ARHGEF26: variants seen among roughly 807,000 people sequenced by gnomAD.
ARHGEF26 encodes Rho guanine nucleotide exchange factor 26, also known as Rho guanine nucleotide exchange factor (GEF) 26.
In ARHGEF26, 59 loss-of-function variants were observed where a neutral mutation model predicts 89.4. The ratio of observed to expected loss-of-function variants is 0.66; its 90% confidence interval spans 0.54 to 0.82. The LOEUF (loss-of-function observed/expected upper bound fraction) is 0.82. ARHGEF26 is among the 40% of genes least tolerant of loss of function. The pLI is 0.00. For missense variants in ARHGEF26, 1,234 were observed against 1,085.6 expected (o/e 1.14, Z -1.92); for synonymous variants, 500 against 428.4 (o/e 1.17, Z -2.06).
Position 154,122,484 on chromosome 3 carries a change from G to A in ARHGEF26, c.492G>A (p.Gly164=), listed in dbSNP as rs746244033. 14 of 1,612,710 alleles carry A rather than the reference G, an allele frequency of 8.7e-6. No individual in the cohort carries two copies. Among genetic ancestry groups the A allele is most frequent in the Non-Finnish European group, 1.1e-5 (13 of 1,179,766 alleles). Residue 164 remains glycine (G), a synonymous_variant, in exon 2 of 15, where the codon GGG becomes GGA. Transcript: ENST00000465093. ...APCTPEEDLT[G]LTASPVPSPT... The stretch of plus-strand genomic sequence containing the variant: ...GCACCCCCGAGGAGGACCTTACTGG[G>A]TTGACTGCCAGCCCGGTGCCTTCGC...
At chr3:154,246,809 T>C (rs924155978) in intron 12 of ARHGEF26, among the ~76,000 whole-genome samples, 1 of 152,124 alleles carries the variant, frequency 6.6e-6, no homozygotes, top group East Asian at 1.9e-4. Flanking sequence ...AACTGATGGA[T>C]TGGATGAGTT....
At chr3:154,207,676 A>G (rs1308678420) in intron 9 of ARHGEF26, among the ~76,000 whole-genome samples, 7 of 152,336 alleles carry the variant, frequency 4.6e-5, no homozygotes, top group African/African-American at 1.4e-4. Flanking sequence ...ACCATTATTG[A>G]AGACAGTGTG....
chr3:154,182,338 A>AG (rs1713240445), intron 6 of ARHGEF26, among the ~76,000 whole-genome samples: 1 of 152,130 alleles, frequency 6.6e-6, no homozygotes. Flanking sequence ...GGGATTCATG[A>AG]GGGAAAAAGG....
chr3:154,202,048 G>T (rs1044391716), intron 9 of ARHGEF26, among the ~76,000 whole-genome samples: 1 of 152,084 alleles, frequency 6.6e-6, no homozygotes, highest in Non-Finnish European at 1.5e-5. Flanking sequence ...GTTGCCATTT[G>T]TTTTGGTGTT....
chr3:154,198,642 T>C (rs1409058625), intron 9 of ARHGEF26, among the ~76,000 whole-genome samples: 3 of 152,034 alleles, frequency 2.0e-5, no homozygotes, highest in African/African-American at 4.8e-5. Context: ...AAACCAAATA[T>C]CATGTGTTCT....
At chr3:154,201,001 A>G (rs1714592016) in intron 9 of ARHGEF26, among the ~76,000 whole-genome samples, 1 of 27,104 alleles carries the variant, frequency 3.7e-5, no homozygotes, top group Admixed American at 5.2e-4. Context: ...GATCAAATAT[A>G]AGATTTTTTT....
intron 8 of ARHGEF26, among the ~76,000 whole-genome samples, chr3:154,192,199 T>C (rs398512): frequency 0.91 from 138,969 of 152,244 alleles, 63,676 homozygotes; most frequent in East Asian, 1. Flanking sequence ...TATTTTGTTA[T>C]GATTTTCCTA....
intron 12 of ARHGEF26, among the ~76,000 whole-genome samples, chr3:154,243,807 A>T (rs888189077): frequency 1.3e-5 from 2 of 151,256 alleles, no homozygotes; most frequent in Non-Finnish European, 1.5e-5. Flanking sequence ...GACATAAAAT[A>T]GTATTGGTGT....
intron 7 of ARHGEF26, 104 bp from the exon 8 acceptor site, chr3:154,191,185 G>A: frequency 8.2e-7 from 1 of 1,220,132 alleles, no homozygotes; most frequent in South Asian, 1.6e-5. Flanking sequence ...TAAAATAGTT[G>A]ATGCTATATG....
At chr3:154,229,604 G>A (rs1444824339) in intron 11 of ARHGEF26, among the ~76,000 whole-genome samples, 2 of 152,176 alleles carry the variant, frequency 1.3e-5, no homozygotes, top group Non-Finnish European at 2.9e-5. Flanking sequence ...CTTTGTTGTA[G>A]AGGACTGTCC....
chr3:154,192,854 A>G (rs1714035302), intron 8 of ARHGEF26, among the ~76,000 whole-genome samples: 1 of 152,256 alleles, frequency 6.6e-6, no homozygotes. Context: ...ATAAAAGAAC[A>G]AAAATAAATA....
At chr3:154,206,785 C>T (rs9829485) in intron 9 of ARHGEF26, among the ~76,000 whole-genome samples, 24,208 of 152,044 alleles carry the variant, frequency 0.16, 2,476 homozygotes, top group South Asian at 0.34. Flanking sequence ...ATGGAACAAA[C>T]GAAGAGCATA....
intron 6 of ARHGEF26, among the ~76,000 whole-genome samples, chr3:154,158,263 A>G (rs1711502088): frequency 6.6e-6 from 1 of 152,238 alleles, no homozygotes; most frequent in South Asian, 2.1e-4. Flanking sequence ...AAATAGGATA[A>G]GAGGAATTGC....
At chr3:154,166,906 C>T (rs889217563) in intron 6 of ARHGEF26, among the ~76,000 whole-genome samples, 1 of 152,164 alleles carries the variant, frequency 6.6e-6, no homozygotes, top group African/African-American at 2.4e-5. Flanking sequence ...TCCAGAGATA[C>T]TCTCTGCACA....
intron 9 of ARHGEF26, among the ~76,000 whole-genome samples, chr3:154,196,340 G>A (rs1714290098): frequency 6.6e-6 from 1 of 152,158 alleles, no homozygotes; most frequent in South Asian, 2.1e-4. Flanking sequence ...GCAATAGAAG[G>A]TGTAGGTGTC....
intron 10 of ARHGEF26, among the ~76,000 whole-genome samples, chr3:154,221,806 G>A (rs921701401): frequency 6.6e-6 from 1 of 152,210 alleles, no homozygotes; most frequent in African/African-American, 2.4e-5. Context: ...AGGGGCAGTG[G>A]TCAGGGAGTG....
intron 4 of ARHGEF26, among the ~76,000 whole-genome samples, chr3:154,145,878 G>A (rs1035527421): frequency 2.0e-5 from 3 of 152,166 alleles, no homozygotes; most frequent in African/African-American, 7.2e-5. Flanking sequence ...AGTTAGTAGA[G>A]TCAAAGACCA....
chr3:154,252,328 A>G (rs1023333354), intron 12 of ARHGEF26, among the ~76,000 whole-genome samples: 1 of 152,204 alleles, frequency 6.6e-6, no homozygotes, highest in Non-Finnish European at 1.5e-5. Flanking sequence ...GACATGTAGC[A>G]TGTGTTTAAT....
chr3:154,170,759 T>C (rs887484460), intron 6 of ARHGEF26, among the ~76,000 whole-genome samples: 1 of 152,216 alleles, frequency 6.6e-6, no homozygotes, highest in African/African-American at 2.4e-5. Flanking sequence ...TTTAAATGAT[T>C]AGAGTAATTG....
Sources: allele counts gnomAD v4.1 joint callset (sites outside exome capture counted in the v4.1 genomes callset), GRCh38; gene constraint gnomAD v4.1.1; transcripts MANE v1.5; gene names NCBI Gene and HGNC (gene_info 2026-07-23, HGNC 2026-07-21).